The following MAML2 variants were observed in gnomAD, a reference collection of about 807,000 sequenced individuals.
The protein encoded by MAML2 is mastermind-like protein 2.
A neutral mutation model predicts 96.1 loss-of-function variants in MAML2; 22 were observed. The ratio of observed to expected loss-of-function variants is 0.23; its 90% CI spans 0.16 to 0.33. The LOEUF is 0.33. Among genes scored for constraint, MAML2 ranks in the 10% least tolerant of loss-of-function variants. The probability of loss-of-function intolerance (pLI) is 1.00; values close to 1 mark genes in which losing one functional copy is unlikely to be tolerated. For missense variants in MAML2, 1,367 were observed against 1,392.4 expected (o/e 0.98, Z 0.29); for synonymous variants, 561 against 521.3 (o/e 1.08, Z -1.04).
intron 1 of MAML2, among the ~76,000 whole-genome samples, chr11:96,256,019 G>A (rs1862662488): frequency 2.0e-5 from 3 of 151,592 alleles, no homozygotes; most frequent in South Asian, 4.2e-4. Flanking sequence ...GATTACAAGC[G>A]CCCGCCACCA....
chr11:96,104,132 T>C (rs1291752267), intron 1 of MAML2, among the ~76,000 whole-genome samples: 1 of 152,172 alleles, frequency 6.6e-6, no homozygotes, highest in South Asian at 2.1e-4. Context: ...TACTATAATT[T>C]CCAAATATTT....
intron 1 of MAML2, among the ~76,000 whole-genome samples, chr11:96,176,778 A>G (rs1308706910): frequency 1.3e-5 from 2 of 152,146 alleles, no homozygotes; most frequent in Non-Finnish European, 2.9e-5. Flanking sequence ...GGCTGGATGA[A>G]TGTCAGGCAC....
intron 1 of MAML2, among the ~76,000 whole-genome samples, chr11:96,136,057 A>G (rs969421140): frequency 5.9e-5 from 9 of 151,506 alleles, no homozygotes; most frequent in African/African-American, 2.2e-4. Flanking sequence ...AGTGAACTCA[A>G]TTATACGTGA....
intron 1 of MAML2, among the ~76,000 whole-genome samples, chr11:96,144,225 G>A (rs1029581207): frequency 5.3e-5 from 8 of 152,210 alleles, no homozygotes; most frequent in African/African-American, 1.9e-4. Context: ...TTGCTGGGAA[G>A]ATGCTGAGTA....
At chr11:95,985,800 A>G (rs1857815844) in intron 3 of MAML2, among the ~76,000 whole-genome samples, 158 bp from the exon 4 acceptor site, 1 of 152,226 alleles carries the variant, frequency 6.6e-6, no homozygotes, top group South Asian at 2.1e-4. Flanking sequence ...TTCAGAGACA[A>G]ATCTTTTCAA....
chr11:95,987,417 G>A (rs1020368016), intron 3 of MAML2, among the ~76,000 whole-genome samples: 1 of 152,118 alleles, frequency 6.6e-6, no homozygotes, highest in Non-Finnish European at 1.5e-5. Context: ...ATGGATCAGG[G>A]AGTTTTTAGA....
At chr11:96,037,771 C>T (rs774425263) in intron 2 of MAML2, among the ~76,000 whole-genome samples, 31 of 152,320 alleles carry the variant, frequency 2.0e-4, no homozygotes, top group East Asian at 3.9e-4. Flanking sequence ...CAGGAGCTCT[C>T]GCTGGGCATT....
At chr11:96,183,081 C>T (rs1292716928) in intron 1 of MAML2, among the ~76,000 whole-genome samples, 2 of 151,824 alleles carry the variant, frequency 1.3e-5, no homozygotes, top group Non-Finnish European at 2.9e-5. Flanking sequence ...CCTCAGCCTC[C>T]CAAGTAGCTG....
At chr11:96,167,587 C>T (rs1861214422) in intron 1 of MAML2, among the ~76,000 whole-genome samples, 1 of 152,208 alleles carries the variant, frequency 6.6e-6, no homozygotes, top group Non-Finnish European at 1.5e-5. Context: ...TTGCTCCTGT[C>T]ACATTTAATG....
intron 1 of MAML2, among the ~76,000 whole-genome samples, chr11:96,143,095 A>T (rs1234751521): frequency 1.3e-5 from 2 of 152,268 alleles, no homozygotes; most frequent in African/African-American, 4.8e-5. Context: ...GTCTGAAAGC[A>T]GGCATTGTCT....
intron 2 of MAML2, among the ~76,000 whole-genome samples, chr11:96,003,066 TG>T (rs1379516961): frequency 2.1e-5 from 3 of 140,320 alleles, no homozygotes; most frequent in African/African-American, 8.1e-5. Flanking sequence ...AACATGATGA[TG>T]GGGATGATGA....
rs575053008 is a variant in MAML2, at chr11:96,297,585, A to C, written c.513+43798T>G. 2.9e-4 allele frequency among the ~76,000 whole-genome samples: 44 copies of C among 152,316 alleles called. 2 individuals are homozygous for C. In the South Asian group the frequency reaches 8.9e-3, roughly 31 times the overall value. ...CAACAGAACGAGACTCCATCTCAAA[A>C]ACAAAAACAAAAAAACAGCAAACGT... On this transcript the variant is annotated intron_variant, in intron 1 of 4. Coordinates refer to ENST00000524717, the MANE Select transcript of MAML2 (RefSeq NM_032427.4).
rs117749039 is a variant in MAML2 at position 96,179,524 on chromosome 11, G to A, written c.514-86007C>T. Among the ~76,000 whole-genome samples the A allele has an allele frequency of 3.0e-3, 451 of 152,268 alleles. 9 individuals are homozygous for A. The highest frequency in any genetic ancestry group is 0.019 in the Admixed American group (291 of 15,300). ...AGATGAAAAATGGGATCAGATGGCCGAGACTTAAGTCCAGGCTGCTTCCCT... is the reference window on the plus strand; with the variant it reads ...AGATGAAAAATGGGATCAGATGGCCAAGACTTAAGTCCAGGCTGCTTCCCT... On this transcript the variant is annotated intron_variant, in intron 1 of 4. Coordinates refer to ENST00000524717, the MANE Select transcript of MAML2 (RefSeq NM_032427.4).
chr11:96,135,545 C>CTTT (rs10665067), intron 1 of MAML2, among the ~76,000 whole-genome samples: 4,097 of 139,472 alleles, frequency 0.029, 155 homozygotes, highest in East Asian at 0.062. Context: ...CAATCCAAGG[C>CTTT]TTTTTTTTTT....
intron 1 of MAML2, among the ~76,000 whole-genome samples, chr11:96,295,168 T>C (rs1329847253): frequency 6.6e-6 from 1 of 152,218 alleles, no homozygotes; most frequent in African/African-American, 2.4e-5. Flanking sequence ...CTCTGAAATA[T>C]GCACATTTAA....
intron 4 of MAML2, among the ~76,000 whole-genome samples, chr11:95,980,539 C>G (rs967735418): frequency 4.6e-5 from 7 of 152,188 alleles, no homozygotes; most frequent in African/African-American, 1.7e-4. Flanking sequence ...ATTCAGTGCT[C>G]TAGAAATTAT....
intron 1 of MAML2, among the ~76,000 whole-genome samples, chr11:96,250,533 A>C (rs1862568403): frequency 6.6e-6 from 1 of 152,228 alleles, no homozygotes. Flanking sequence ...TCATTTAATA[A>C]ATATCTCCCT....
intron 1 of MAML2, among the ~76,000 whole-genome samples, chr11:96,167,850 G>A (rs973765594): frequency 6.6e-6 from 1 of 152,176 alleles, no homozygotes; most frequent in African/African-American, 2.4e-5. Context: ...AGCCTTTCTT[G>A]ACACCGTTGG....
At chr11:96,146,233 G>A (rs1860817334) in intron 1 of MAML2, among the ~76,000 whole-genome samples, 1 of 152,154 alleles carries the variant, frequency 6.6e-6, no homozygotes, top group African/African-American at 2.4e-5. Context: ...TTAACTATTT[G>A]AAGGAAACCA....
Sources: allele counts gnomAD v4.1 joint callset (sites outside exome capture counted in the v4.1 genomes callset), GRCh38; gene constraint gnomAD v4.1.1; transcripts MANE v1.5; gene names NCBI Gene and HGNC (gene_info 2026-07-23, HGNC 2026-07-21).